PRH1: variants seen among roughly 807,000 people sequenced by gnomAD.
PRH1 encodes the protein proline rich protein HaeIII subfamily 1.
A neutral mutation model predicts 7.9 loss-of-function variants in PRH1; 7 were observed. The ratio of observed to expected loss-of-function variants is 0.89; its 90% CI spans 0.50 to 1.67. The LOEUF is 1.67. Among genes scored for constraint, PRH1 ranks in the 40% most tolerant of loss-of-function variants. PRH1 has a pLI of 0.00. For synonymous variants in PRH1, 45 were observed against 80.8 expected (o/e 0.56, Z 2.38); for missense variants, 109 against 223.6 (o/e 0.49, Z 3.27).
intron 1 of PRH1, chr12:10,986,315 T>C (rs376838188): frequency 3.6e-5 from 58 of 1,613,914 alleles, no homozygotes; most frequent in East Asian, 8.9e-5. Context: ...TGAAGCTCCA[T>C]AGGGTAGTTA....
chr12:10,926,012 A>G (rs952035436), intron 2 of PRH1, among the ~76,000 whole-genome samples: 1 of 152,220 alleles, frequency 6.6e-6, no homozygotes, highest in African/African-American at 2.4e-5. Context: ...ATTATAACCA[A>G]TTTGGCTAGG....
chr12:10,987,044 G>A, intron 1 of PRH1: 1 of 433,434 alleles, frequency 2.3e-6, no homozygotes, highest in Non-Finnish European at 4.0e-6. Context: ...GGATGAGTTT[G>A]ATGTCATCTT....
intron 2 of PRH1, among the ~76,000 whole-genome samples, chr12:10,942,802 C>A (rs1369412571): frequency 6.6e-6 from 1 of 152,190 alleles, no homozygotes; most frequent in Non-Finnish European, 1.5e-5. Flanking sequence ...TCCCTCTTGT[C>A]ACCCTCCCAA....
chr12:11,081,609 G>T lies in PRH1; in HGVS notation n.124-34421C>A, dbSNP rs9697518. 2.9e-5 allele frequency among the ~76,000 whole-genome samples: 3 copies of T among 102,754 alleles called. 1 individual carries two copies. Among genetic ancestry groups the T allele is most frequent in the African/African-American group, 9.7e-5 (3 of 31,078 alleles). 67.4% of individuals were successfully genotyped at this position (102,754 alleles called of 152,430 possible). On this transcript the variant is annotated intron_variant and non_coding_transcript_variant, in intron 1 of 4. Transcript: ENST00000541977. ...TGGATATTAGCTTGTCTGTTGCTGG[G>T]TCATCACCACAAACTCTGCTAACAG...
chr12:11,117,644 A>G (rs1945769292), downstream of PRH1, among the ~76,000 whole-genome samples: 1 of 152,194 alleles, frequency 6.6e-6, no homozygotes, highest in Non-Finnish European at 1.5e-5. Context: ...TGAAGGAATC[A>G]TGTTACTTGA....
intron 1 of PRH1, among the ~76,000 whole-genome samples, chr12:11,041,288 CAAAAAA>C (rs67144212): frequency 1.2e-5 from 1 of 81,392 alleles, no homozygotes; most frequent in African/African-American, 5.4e-5. Flanking sequence ...CAATGCAAAC[CAAAAAA>C]AAAAAAAAAA....
At chr12:11,114,135 C>T (rs2597946) in intron 1 of PRH1, among the ~76,000 whole-genome samples, 69,116 of 151,856 alleles carry the variant, frequency 0.46, 16,535 homozygotes, top group Non-Finnish European at 0.53. Flanking sequence ...TACCATTTGA[C>T]CCAGCAATCC....
At chr12:10,942,693 A>G (rs1253175186) in intron 2 of PRH1, among the ~76,000 whole-genome samples, 1 of 152,140 alleles carries the variant, frequency 6.6e-6, no homozygotes, top group African/African-American at 2.4e-5. Flanking sequence ...AGTCTGCACA[A>G]TGGATTTGAA....
chr12:10,964,575 G>T (rs188137890), intron 2 of PRH1: 8 of 360,320 alleles, frequency 2.2e-5, no homozygotes, highest in East Asian at 5.9e-5. Flanking sequence ...ATGAGGACAG[G>T]TTCGTTCTAC....
chr12:11,065,640 T>G (rs1943775540), intron 1 of PRH1, among the ~76,000 whole-genome samples: 1 of 145,524 alleles, frequency 6.9e-6, no homozygotes, highest in Non-Finnish European at 1.5e-5. Context: ...GAAATGAACT[T>G]TTATTCTCTT....
chr12:11,105,360 G>T (rs553699494), intron 1 of PRH1, among the ~76,000 whole-genome samples: 4 of 152,190 alleles, frequency 2.6e-5, no homozygotes, highest in African/African-American at 9.6e-5. Flanking sequence ...TTTCCTTTAA[G>T]GTCTTGACCT....
At chr12:10,946,142 C>T (rs150727471) in intron 2 of PRH1, among the ~76,000 whole-genome samples, 5 of 152,104 alleles carry the variant, frequency 3.3e-5, no homozygotes, top group Admixed American at 6.5e-5. Context: ...AAGAGATTAA[C>T]GTAAAGACAG....
chr12:11,133,680 T>A, intron 1 of PRH1: 1 of 1,614,204 alleles, frequency 6.2e-7, no homozygotes, highest in Non-Finnish European at 8.5e-7. Context: ...AGGGTCAGAG[T>A]GAGGGGTACA....
chr12:11,142,567 A>G (rs1946730610), intron 1 of PRH1, among the ~76,000 whole-genome samples: 1 of 152,218 alleles, frequency 6.6e-6, no homozygotes, highest in African/African-American at 2.4e-5. Context: ...GCTTTCAAAA[A>G]AAGGTACTAT....
At chr12:10,943,260 T>C (rs1251942386) in intron 2 of PRH1, among the ~76,000 whole-genome samples, 2 of 152,232 alleles carry the variant, frequency 1.3e-5, no homozygotes, top group African/African-American at 4.8e-5. Context: ...CACATTTTAG[T>C]AATAGCCATT....
chr12:11,160,122 T>C (rs139497145), intron 1 of PRH1, among the ~76,000 whole-genome samples: 18 of 152,320 alleles, frequency 1.2e-4, no homozygotes, highest in African/African-American at 4.3e-4. Flanking sequence ...GCCATACCAC[T>C]TGAATACAAA....
chr12:11,027,662 G>A (rs1941985305), intron 1 of PRH1, among the ~76,000 whole-genome samples: 1 of 152,210 alleles, frequency 6.6e-6, no homozygotes, highest in Non-Finnish European at 1.5e-5. Context: ...GGGCTCTACA[G>A]AAGATATAGA....
At chr12:11,045,317 CA>C (rs34515459) in intron 1 of PRH1, among the ~76,000 whole-genome samples, 67 of 138,728 alleles carry the variant, frequency 4.8e-4, no homozygotes, top group Middle Eastern at 3.8e-3. Flanking sequence ...TAATGGTTAC[CA>C]AAAAAAAAAA....
At chr12:10,931,197 T>C in intron 2 of PRH1, 1 of 1,528,000 alleles carries the variant, frequency 6.5e-7, no homozygotes, top group Non-Finnish European at 8.8e-7. Flanking sequence ...AACACATTTC[T>C]CATGAGTTTT....
Sources: allele counts gnomAD v4.1 joint callset (sites outside exome capture counted in the v4.1 genomes callset), GRCh38; gene constraint gnomAD v4.1.1; transcripts MANE v1.5; gene names NCBI Gene and HGNC (gene_info 2026-07-23, HGNC 2026-07-21).